The following GLDN variants were observed in gnomAD, a reference collection of about 807,000 sequenced individuals.
GLDN encodes the protein collomin.
GLDN carries 47 observed loss-of-function variants against 56.5 expected under a neutral mutation model. The ratio of observed to expected loss-of-function variants is 0.83; its 90% CI spans 0.66 to 1.06. The LOEUF (loss-of-function observed/expected upper bound fraction) is 1.06, where lower values mean the gene tolerates loss of function less well. GLDN is among the 50% of genes least tolerant of loss of function. The pLI, the probability that GLDN is intolerant of heterozygous loss-of-function variation, is 0.00. For missense variants in GLDN, 782 were observed against 714.3 expected, an observed-to-expected ratio of 1.09 and a Z score of -1.08; for synonymous variants, 332 against 278.8, an observed-to-expected ratio of 1.19 and a Z score of -1.90.
intron 1 of GLDN, among the ~76,000 whole-genome samples, chr15:51,375,432 A>T (rs999960762): frequency 2.6e-4 from 39 of 152,262 alleles, no homozygotes; most frequent in African/African-American, 9.4e-4. Flanking sequence ...ACTGTTTTAC[A>T]TGAACAAAAG....
chr15:51,376,708 ATTTGGTGTTTTTTG>A (rs1165116978), intron 1 of GLDN, among the ~76,000 whole-genome samples: 1 of 152,246 alleles, frequency 6.6e-6, no homozygotes, highest in African/African-American at 2.4e-5. Flanking sequence ...TATTTTTAAA[ATTTGGTGTTTTTTG>A]TTTGTTTACT....
Position 51,342,003 on chromosome 15 carries a change from G to C in GLDN, c.319G>C (p.Glu107Gln). The part of the protein sequence containing the change: ...SGEPAPHIRA[E>Q]SHDMLMMMTY... ...CGAGCCCGCGCCGCATATCCGCGCC[G>C]AGAGCCATGACATGCTGATGATGAT... is the stretch of plus-strand genomic sequence containing the variant. The change falls in exon 1 of 10, where the codon GAG becomes CAG. Residue 107 changes from glutamate (E) to glutamine (Q), a missense_variant. Glu to Gln is a conservative substitution (Grantham distance 29). Transcript: ENST00000335449. 6.3e-7 allele frequency: 1 copy of C among 1,597,734 alleles called. No individual in the cohort carries two copies. The highest frequency in any genetic ancestry group is 8.5e-7 in the Non-Finnish European group (1 of 1,179,408).
At chr15:51,400,131 A>C (rs2038215716) in intron 6 of GLDN, 61 bp from the exon 7 acceptor site, 19 of 1,428,168 alleles carry the variant, frequency 1.3e-5, no homozygotes, top group Non-Finnish European at 1.5e-5. Context: ...GCAGCTATAA[A>C]GTCCAACAAA....
intron 4 of GLDN, among the ~76,000 whole-genome samples, chr15:51,389,713 A>G (rs2037974595): frequency 6.6e-6 from 1 of 152,126 alleles, no homozygotes; most frequent in South Asian, 2.1e-4. Flanking sequence ...TCTGTTTTTT[A>G]TGAGAATTTG....
Position 51,405,765 on chromosome 15 carries a change from C to T in GLDN, c.*1011C>T, listed in dbSNP as rs1287110442. On this transcript the variant is annotated 3_prime_UTR_variant, in exon 10 of 10. Coordinates refer to ENST00000335449, the MANE Select transcript of GLDN (RefSeq NM_181789.4). ...TTTGCAGTGTTCAGAAGAGAGGCTC[C>T]ATTTGTGGCTATTATGTAGAACTGG... 6.6e-6 allele frequency: 1 copy of T among 152,184 alleles called. No individual in the cohort carries two copies. Among genetic ancestry groups the T allele is most frequent in the Non-Finnish European group, 1.5e-5 (1 of 68,034 alleles). 9.4% of individuals were successfully genotyped at this position (152,184 alleles called of 1,614,324 possible).
rs530243668 is a variant in GLDN at position 51,353,649 on chromosome 15, G to T, written c.363+11602G>T. 3.1e-4 allele frequency among the ~76,000 whole-genome samples: 46 copies of T among 148,970 alleles called. 1 individual carries two copies. Among genetic ancestry groups the T allele is most frequent in the African/African-American group, 1.1e-3 (45 of 39,758 alleles). ...AGAAAGAACAATTTTACTTCTTAGGGGTCTTGTGTTCTCCAGGATATTGTT... is the reference window on the plus strand; with the variant it reads ...AGAAAGAACAATTTTACTTCTTAGGTGTCTTGTGTTCTCCAGGATATTGTT... On this transcript the variant is annotated intron_variant, in intron 1 of 9. Transcript: ENST00000335449.
intron 9 of GLDN, 126 bp from the exon 10 acceptor site, chr15:51,404,151 G>A (rs2038316477): frequency 1.4e-6 from 1 of 722,566 alleles, no homozygotes; most frequent in Admixed American, 2.3e-5. Context: ...CTGGGAGCTT[G>A]TAAGGAATGC....
chr15:51,395,120 T>C, intron 5 of GLDN, 139 bp downstream of exon 5: 1 of 827,862 alleles, frequency 1.2e-6, no homozygotes, highest in Non-Finnish European at 1.8e-6. Context: ...TGTTTTGGAG[T>C]TCTATGCTTT....
rs1206284469 is a variant in GLDN at position 51,405,385 on chromosome 15, T to G, written c.*631T>G. The stretch of plus-strand genomic sequence containing the variant: ...GACAGCTACATGTTCAGGTTTTTTT[T>G]TTTTTTTTTTTTTCAATAAGCTATT... On this transcript the variant is annotated 3_prime_UTR_variant, in exon 10 of 10. Coordinates refer to ENST00000335449, the MANE Select transcript of GLDN (RefSeq NM_181789.4). 4.0e-5 allele frequency: 6 copies of G among 151,702 alleles called. No individual in the cohort carries two copies. The highest frequency in any genetic ancestry group is 6.6e-5 in the Admixed American group (1 of 15,240). 9.4% of individuals were successfully genotyped at this position (151,702 alleles called of 1,614,324 possible). A position where few individuals can be genotyped will look rare whatever the true frequency, so the allele number is the denominator to read the frequency against.
intron 9 of GLDN, among the ~76,000 whole-genome samples, chr15:51,402,377 G>A (rs915971880): frequency 6.6e-6 from 1 of 152,238 alleles, no homozygotes; most frequent in African/African-American, 2.4e-5. Context: ...GGCCTTTGGA[G>A]GCAGAAGCAG....
chr15:51,394,721 G>C, intron 4 of GLDN, 114 bp from the exon 5 acceptor site: 1 of 948,322 alleles, frequency 1.1e-6, no homozygotes, highest in Non-Finnish European at 1.6e-6. Context: ...ATGAAATGCT[G>C]TGTGTTTGGT....
chr15:51,409,751 A>G (rs2038446150), downstream of GLDN, among the ~76,000 whole-genome samples: 1 of 152,192 alleles, frequency 6.6e-6, no homozygotes, highest in Non-Finnish European at 1.5e-5. Context: ...GAGATTCATG[A>G]CTAATTCACC....
At chr15:51,353,713 T>TA (rs1566935693) in intron 1 of GLDN, among the ~76,000 whole-genome samples, 2,486 of 80,472 alleles carry the variant, frequency 0.031, 214 homozygotes, top group African/African-American at 0.13. Context: ...TCGGATTTGA[T>TA]TAAAAAAAAA....
intron 1 of GLDN, among the ~76,000 whole-genome samples, chr15:51,361,645 A>G (rs907895459): frequency 2.6e-5 from 4 of 152,234 alleles, no homozygotes; most frequent in Non-Finnish European, 5.9e-5. Flanking sequence ...TACTCAAGAA[A>G]CAGCGTGAAC....
At chr15:51,374,399 G>A (rs977292791) in intron 1 of GLDN, among the ~76,000 whole-genome samples, 1 of 152,200 alleles carries the variant, frequency 6.6e-6, no homozygotes, top group African/African-American at 2.4e-5. Context: ...ACTAAAGGCA[G>A]TGAATCAATT....
rs572395410 is a variant in GLDN, at chr15:51,362,256, G to A, written c.364-15193G>A. 2.6e-4 allele frequency among the ~76,000 whole-genome samples: 39 copies of A among 152,188 alleles called. No individual in the cohort carries two copies. In the South Asian group the frequency reaches 6.4e-3, roughly 25 times the overall value. ...TCCCAGAACTTTGGGAGTAGAAGGC[G>A]GGCGGATCACCTGAGGTCAGGAGTT... On this transcript the variant is annotated intron_variant, in intron 1 of 9. Coordinates refer to ENST00000335449, the MANE Select transcript of GLDN (RefSeq NM_181789.4).
intron 1 of GLDN, among the ~76,000 whole-genome samples, chr15:51,363,427 T>C (rs1395950716): frequency 6.6e-6 from 1 of 152,226 alleles, no homozygotes; most frequent in Admixed American, 6.5e-5. Flanking sequence ...AAAACATCGG[T>C]ACTTCTAAAT....
chr15:51,362,173 G>A (rs2037312540), intron 1 of GLDN, among the ~76,000 whole-genome samples: 3 of 152,110 alleles, frequency 2.0e-5, no homozygotes, highest in Admixed American at 6.5e-5. Flanking sequence ...CAAAGTGAGT[G>A]GGAAGAAGAG....
chr15:51,376,702 T>A (rs1010363061), intron 1 of GLDN, among the ~76,000 whole-genome samples: 1 of 152,246 alleles, frequency 6.6e-6, no homozygotes, highest in Non-Finnish European at 1.5e-5. Flanking sequence ...TTTTCCTATT[T>A]TTAAAATTTG....
Sources: allele counts gnomAD v4.1 joint callset (sites outside exome capture counted in the v4.1 genomes callset), GRCh38; gene constraint gnomAD v4.1.1; transcripts MANE v1.5; gene names NCBI Gene and HGNC (gene_info 2026-07-23, HGNC 2026-07-21).